CHD9: variants seen among roughly 807,000 people sequenced by gnomAD.
The protein encoded by CHD9 is chromodomain helicase DNA binding protein 9.
Under a neutral mutation model 316.1 loss-of-function variants are expected in CHD9, and 77 were observed. That is an observed-to-expected ratio of 0.24 (90% CI 0.20 to 0.29). CHD9 has a LOEUF of 0.29. Among genes scored for constraint, CHD9 ranks in the 10% least tolerant of loss-of-function variants. CHD9 has a pLI of 1.00. For missense variants in CHD9, 2,763 were observed against 3,438.1 expected (o/e 0.80, Z 4.91); for synonymous variants, 1,129 against 1,158.3 (o/e 0.97, Z 0.51).
chr16:53,317,795 T>G (rs1170479527), intron 36 of CHD9, among the ~76,000 whole-genome samples: 3 of 152,184 alleles, frequency 2.0e-5, no homozygotes, highest in African/African-American at 7.2e-5. Flanking sequence ...GGCTCACATC[T>G]GTAATCCCAG....
At chr16:53,183,662 C>T (rs1437544535) in intron 2 of CHD9, among the ~76,000 whole-genome samples, 1 of 152,020 alleles carries the variant, frequency 6.6e-6, no homozygotes, top group Admixed American at 6.6e-5. Flanking sequence ...GCCTTTAATC[C>T]CAACATTTTG....
In CHD9 at chr16:53,198,965, G is replaced by C. The variant is rs755641043; in HGVS notation, c.1453-10517G>C. Among the ~76,000 whole-genome samples the C allele has an allele frequency of 6.7e-4, 101 of 150,966 alleles. 2 individuals carry two copies. Among genetic ancestry groups the C allele is most frequent in the Non-Finnish European group, 1.8e-4 (12 of 67,856 alleles). ...TAAAAATGTAAAAATCTTTTTAATT[G>C]GAATTTGCATTTGAATATAGCAGAT... On this transcript the variant is annotated intron_variant, in intron 2 of 38. Transcript: ENST00000447540.
rs572706821 is a variant in CHD9 at position 53,137,219 on chromosome 16, G to A, written c.-164-18707G>A. Reference sequence around the variant, plus strand: ...GATCTCTTGACCTCCTGACCTGCCCGCCTCGGCCTCCCAAAGTGTTGGGAT... The same window carrying A: ...GATCTCTTGACCTCCTGACCTGCCCACCTCGGCCTCCCAAAGTGTTGGGAT... On this transcript the variant is annotated intron_variant, in intron 1 of 38. Coordinates refer to ENST00000447540, the MANE Select transcript of CHD9 (RefSeq NM_001308319.2). Among the ~76,000 whole-genome samples, 40 of 152,162 alleles carry A rather than the reference G, an allele frequency of 2.6e-4. 1 individual carries two copies. In the South Asian group the frequency reaches 5.8e-3, roughly 22 times the overall value.
chr16:53,306,496 G>T (rs1262393696), intron 32 of CHD9, 99 bp downstream of exon 32: 6 of 966,546 alleles, frequency 6.2e-6, no homozygotes, highest in Middle Eastern at 3.1e-4. Context: ...ATAGGTCAGC[G>T]TAAAATGTAG....
chr16:53,086,864 T>C (rs1449061757), intron 1 of CHD9, among the ~76,000 whole-genome samples: 1 of 152,136 alleles, frequency 6.6e-6, no homozygotes, highest in African/African-American at 2.4e-5. Context: ...ATCCCAAATA[T>C]TCTATTATAG....
chr16:53,258,715 A>G (rs186489161), intron 19 of CHD9, among the ~76,000 whole-genome samples: 8 of 152,202 alleles, frequency 5.3e-5, no homozygotes, highest in African/African-American at 1.7e-4. Context: ...GACTTAGTAC[A>G]TATACATCAA....
chr16:53,244,850 T>C (rs1426760165), intron 13 of CHD9, among the ~76,000 whole-genome samples: 1 of 152,120 alleles, frequency 6.6e-6, no homozygotes, highest in African/African-American at 2.4e-5. Flanking sequence ...ATTATGAGTC[T>C]GGGTACCGTG....
chr16:53,176,748 C>T (rs1173875905), intron 2 of CHD9, among the ~76,000 whole-genome samples: 1 of 152,074 alleles, frequency 6.6e-6, no homozygotes, highest in African/African-American at 2.4e-5. Flanking sequence ...ATTTATAGTT[C>T]CAGATTTCCC....
chr16:53,215,717 T>C (rs1321258090), intron 3 of CHD9, among the ~76,000 whole-genome samples: 1 of 152,178 alleles, frequency 6.6e-6, no homozygotes, highest in Non-Finnish European at 1.5e-5. Context: ...TGTCCAATTA[T>C]TGGAATGAGA....
chr16:53,104,926 T>C (rs1051757401), intron 1 of CHD9, among the ~76,000 whole-genome samples: 2 of 151,906 alleles, frequency 1.3e-5, no homozygotes, highest in Non-Finnish European at 2.9e-5. Flanking sequence ...CCCGAACGCC[T>C]GGGCCCAAGC....
chr16:53,197,072 T>C (rs1451528102), intron 2 of CHD9, among the ~76,000 whole-genome samples: 1 of 152,152 alleles, frequency 6.6e-6, no homozygotes, highest in Non-Finnish European at 1.5e-5. Flanking sequence ...TGGATTACTG[T>C]GATGAATGTG....
At position 53,113,117 on chromosome 16, in the gene CHD9, G is replaced by A. The variant is rs140861510; in HGVS notation, c.-164-42809G>A. Reference sequence around the variant, plus strand: ...GAGGATCACTTGAGCCTGGGAGGCCGAGTTTGCAGTGAGCCATGATTGTAC... The same window carrying A: ...GAGGATCACTTGAGCCTGGGAGGCCAAGTTTGCAGTGAGCCATGATTGTAC... On this transcript the variant is annotated intron_variant, in intron 1 of 38. Transcript: ENST00000447540. 1.8e-3 allele frequency among the ~76,000 whole-genome samples: 270 copies of A among 152,000 alleles called. 9 individuals carry two copies. In the East Asian group the frequency reaches 0.04, roughly 23 times the overall value.
intron 2 of CHD9, among the ~76,000 whole-genome samples, chr16:53,190,605 T>C (rs2044401575): frequency 6.6e-6 from 1 of 152,114 alleles, no homozygotes; most frequent in Non-Finnish European, 1.5e-5. Flanking sequence ...CTCATCATTA[T>C]AAAAATTAGC....
At chr16:53,170,927 GAAGT>G (rs1423149780) in intron 2 of CHD9, among the ~76,000 whole-genome samples, 4 of 152,068 alleles carry the variant, frequency 2.6e-5, no homozygotes, top group South Asian at 4.1e-4. Context: ...ACTCAGGAAG[GAAGT>G]AAGGCCCATA....
At chr16:53,186,841 A>G (rs2044056690) in intron 2 of CHD9, among the ~76,000 whole-genome samples, 1 of 152,180 alleles carries the variant, frequency 6.6e-6, no homozygotes, top group Non-Finnish European at 1.5e-5. Flanking sequence ...GAAGAAGGAC[A>G]TGTTTTCTTT....
chr16:53,288,373 A>T (rs2054064568), intron 27 of CHD9, among the ~76,000 whole-genome samples: 1 of 152,208 alleles, frequency 6.6e-6, no homozygotes, highest in Non-Finnish European at 1.5e-5. Flanking sequence ...TACCTACATG[A>T]AGAGGTTTGA....
rs1418949353 is a variant in CHD9, at chr16:53,238,196, T to C, written c.2634-147T>C. 4.5e-6 allele frequency: 3 copies of C among 665,536 alleles called. No individual in the cohort carries two copies. In the East Asian group the frequency reaches 8.7e-5, roughly 19 times the overall value. 41.2% of individuals were successfully genotyped at this position (665,536 alleles called of 1,614,324 possible). A position where few individuals can be genotyped will look rare whatever the true frequency, so the allele number is the denominator to read the frequency against. On this transcript the variant is annotated intron_variant, in intron 11 of 38. Coordinates refer to ENST00000447540, the MANE Select transcript of CHD9 (RefSeq NM_001308319.2). ...TTGCAGGTTTATAATAAAATTGTAA[T>C]CTTAAGCCTACCCTGCACTTAAGCA...
rs1567472039 is a variant in CHD9, at chr16:53,204,048, A to AAAT, written c.1453-5433_1453-5432insATA. ...CAAAAAAAAAAAAAAAAAAAAAAAA[A>AAAT]ATATATATATACACACACACACACA... On this transcript the variant is annotated intron_variant, in intron 2 of 38. Coordinates refer to ENST00000447540, the MANE Select transcript of CHD9 (RefSeq NM_001308319.2). 9.0e-5 allele frequency among the ~76,000 whole-genome samples: 7 copies of AAAT among 77,472 alleles called. No individual in the cohort carries two copies. The East Asian group carries it at 2.3e-3, about 25-fold the overall frequency. The allele number at this position is 77,472 out of a possible 152,430, so 50.8% of individuals were successfully genotyped here. A position where few individuals can be genotyped will look rare whatever the true frequency, so the allele number is the denominator to read the frequency against.
chr16:53,243,141 T>C, intron 13 of CHD9, 125 bp downstream of exon 13: 1 of 613,034 alleles, frequency 1.6e-6, no homozygotes. Flanking sequence ...ATCTTATCTG[T>C]GATAATTGAG....
Sources: gnomAD v4.1 joint callset for allele counts (sites outside exome capture counted in the v4.1 genomes callset) on GRCh38, gnomAD v4.1.1 for gene constraint, MANE v1.5 for transcripts, NCBI Gene and HGNC (gene_info 2026-07-23, HGNC 2026-07-21) for gene names.